KHDC1: variants seen among roughly 807,000 people sequenced by gnomAD.
KHDC1 encodes KH homology domain-containing protein 1.
KHDC1 carries 21 observed loss-of-function variants against 24.7 expected under a neutral mutation model. That is an observed-to-expected ratio of 0.85 (90% CI 0.60 to 1.23). The LOEUF is 1.23. Ranked by LOEUF, KHDC1 falls within the 50% of genes most tolerant of loss-of-function variation. The pLI, the probability that KHDC1 is intolerant of heterozygous loss-of-function variation, is 0.00. For synonymous variants in KHDC1, 98 were observed against 111.7 expected (o/e 0.88, Z 0.77); for missense variants, 274 against 298.5 (o/e 0.92, Z 0.61).
intron 1 of KHDC1, among the ~76,000 whole-genome samples, chr6:73,294,319 C>G (rs1231805683): frequency 6.6e-6 from 1 of 152,070 alleles, no homozygotes; most frequent in African/African-American, 2.4e-5. Flanking sequence ...ACCAGTATAT[C>G]CACAGCACCT....
At chr6:73,306,314 C>G (rs924046242) in intron 1 of KHDC1, among the ~76,000 whole-genome samples, 1 of 152,024 alleles carries the variant, frequency 6.6e-6, no homozygotes, top group African/African-American at 2.4e-5. Context: ...ATCAACTCTG[C>G]CCTCCCTCAC....
intron 2 of KHDC1, among the ~76,000 whole-genome samples, chr6:73,259,869 T>A (rs1386145549): frequency 6.6e-6 from 1 of 152,194 alleles, no homozygotes; most frequent in Non-Finnish European, 1.5e-5. Flanking sequence ...CATATAAACA[T>A]AATAAGAAAC....
intron 1 of KHDC1, chr6:73,309,477 C>T (rs2150760496): frequency 7.1e-7 from 1 of 1,406,708 alleles, no homozygotes; most frequent in Non-Finnish European, 9.4e-7. Flanking sequence ...CTGAAAGATC[C>T]CGGAAGCGAA....
At chr6:73,265,421 C>T (rs541280813) in intron 2 of KHDC1, among the ~76,000 whole-genome samples, 3 of 148,490 alleles carry the variant, frequency 2.0e-5, no homozygotes, top group African/African-American at 7.5e-5. Flanking sequence ...CCCAGCTACT[C>T]GGGAGGCTGA....
chr6:73,293,877 G>A (rs752732211), intron 1 of KHDC1, among the ~76,000 whole-genome samples: 15 of 151,792 alleles, frequency 9.9e-5, no homozygotes, highest in South Asian at 2.1e-4. Context: ...ATGATGGTGC[G>A]CACCTGTAAT....
intron 2 of KHDC1, among the ~76,000 whole-genome samples, chr6:73,250,857 T>G (rs1582553324): frequency 6.6e-6 from 1 of 152,362 alleles, no homozygotes; most frequent in East Asian, 1.9e-4. Context: ...AATTTTTTTT[T>G]GAAATCGAGT....
chr6:73,252,407 A>G (rs1254581658), intron 2 of KHDC1, among the ~76,000 whole-genome samples: 1 of 152,182 alleles, frequency 6.6e-6, no homozygotes, highest in Non-Finnish European at 1.5e-5. Flanking sequence ...ATGTATTTAG[A>G]ATAAATTAGC....
chr6:73,244,491 A>G (rs1766628343), intron 2 of KHDC1, among the ~76,000 whole-genome samples: 1 of 152,150 alleles, frequency 6.6e-6, no homozygotes, highest in Admixed American at 6.6e-5. Context: ...TGTCAGGAAA[A>G]TTCAAATTCC....
chr6:73,306,131 A>G (rs990744822), intron 1 of KHDC1, among the ~76,000 whole-genome samples: 1 of 152,178 alleles, frequency 6.6e-6, no homozygotes, highest in Non-Finnish European at 1.5e-5. Context: ...ATCTTCAACC[A>G]GAATGAATCT....
At chr6:73,241,702 T>C in exon 5 of KHDC1, 1 of 1,614,162 alleles carries the variant, frequency 6.2e-7, no homozygotes, top group Non-Finnish European at 8.5e-7. Flanking sequence ...AGAGGCTGGC[T>C]TCGGACACGT....
chr6:73,248,034 G>A (rs2150553756), intron 2 of KHDC1, among the ~76,000 whole-genome samples: 1 of 152,206 alleles, frequency 6.6e-6, no homozygotes, highest in African/African-American at 2.4e-5. Flanking sequence ...GTTGCAGGCT[G>A]TTTCCCCCAG....
chr6:73,291,994 G>T (rs777358614), intron 2 of KHDC1: 3 of 1,613,756 alleles, frequency 1.9e-6, no homozygotes, highest in Non-Finnish European at 8.5e-7. Context: ...CTCGCATCAC[G>T]CACCTTTTGG....
chr6:73,259,682 T>C (rs1766943904), intron 2 of KHDC1, among the ~76,000 whole-genome samples: 1 of 152,174 alleles, frequency 6.6e-6, no homozygotes, highest in Non-Finnish European at 1.5e-5. Flanking sequence ...TGTTGTTTCC[T>C]CTCCTGGCCC....
intron 2 of KHDC1, among the ~76,000 whole-genome samples, chr6:73,244,574 G>C (rs1291307036): frequency 6.6e-6 from 1 of 151,872 alleles, no homozygotes; most frequent in African/African-American, 2.4e-5. Context: ...AGTGGAATCA[G>C]GTAGAGGATA....
intron 1 of KHDC1, among the ~76,000 whole-genome samples, chr6:73,296,436 G>T (rs750301002): frequency 2.6e-5 from 4 of 152,072 alleles, no homozygotes; most frequent in Non-Finnish European, 2.9e-5. Context: ...CTGGGTGACA[G>T]AGTGAGACTC....
intron 2 of KHDC1, among the ~76,000 whole-genome samples, chr6:73,281,788 G>A (rs1015883508): frequency 6.6e-6 from 1 of 151,874 alleles, no homozygotes; most frequent in Non-Finnish European, 1.5e-5. Context: ...TCTGCCCCAG[G>A]AGCCCAAACA....
intron 2 of KHDC1, among the ~76,000 whole-genome samples, chr6:73,254,895 G>A (rs548903542): frequency 6.6e-6 from 1 of 152,014 alleles, no homozygotes; most frequent in South Asian, 2.1e-4. Flanking sequence ...CTAGCTACTC[G>A]GGAGGCTGAG....
intron 2 of KHDC1, among the ~76,000 whole-genome samples, chr6:73,249,696 C>G (rs1247710641): frequency 6.6e-6 from 1 of 152,176 alleles, no homozygotes; most frequent in Non-Finnish European, 1.5e-5. Context: ...ACATCTGAAA[C>G]CAAAAGTGTG....
intron 1 of KHDC1, among the ~76,000 whole-genome samples, chr6:73,294,025 A>AC (rs1767714781): frequency 6.6e-6 from 1 of 151,510 alleles, no homozygotes; most frequent in African/African-American, 2.4e-5. Context: ...AAAACAAAAA[A>AC]AAACCACCAG....
Sources: gnomAD v4.1 joint callset for allele counts (sites outside exome capture counted in the v4.1 genomes callset) on GRCh38, gnomAD v4.1.1 for gene constraint, MANE v1.5 for transcripts, NCBI Gene and HGNC (gene_info 2026-07-23, HGNC 2026-07-21) for gene names.